The following TMCC3 variants were observed in gnomAD, a reference collection of about 807,000 sequenced individuals.
The protein encoded by TMCC3 is transmembrane and coiled-coil domain family 3.
TMCC3 carries 28 observed loss-of-function variants against 40.2 expected under a neutral mutation model. The observed-to-expected ratio is 0.70, with a 90% CI of 0.52 to 0.95. The LOEUF (loss-of-function observed/expected upper bound fraction) is 0.95. Among genes scored for constraint, TMCC3 ranks in the 40% least tolerant of loss-of-function variants. TMCC3 has a pLI of 0.00. For synonymous variants in TMCC3, 255 were observed against 248.5 expected (o/e 1.03, Z -0.25); for missense variants, 554 against 615.2 (o/e 0.90, Z 1.05).
intron 1 of TMCC3, chr12:94,598,845 T>A: frequency 1.1e-6 from 1 of 880,940 alleles, no homozygotes; most frequent in Non-Finnish European, 1.4e-6. Flanking sequence ...GCTGTGATTT[T>A]AAAGATAAAC....
At chr12:94,582,589 T>C in intron 1 of TMCC3, 51 bp from the exon 2 acceptor site, 2 of 1,478,010 alleles carry the variant, frequency 1.4e-6, no homozygotes, top group South Asian at 2.6e-5. Context: ...AAAGAGATAA[T>C]TACTGTGACA....
chr12:94,574,089 G>GA (rs2068548960), intron 3 of TMCC3, among the ~76,000 whole-genome samples: 1 of 152,166 alleles, frequency 6.6e-6, no homozygotes, highest in African/African-American at 2.4e-5. Context: ...GCCAGTAAGA[G>GA]AATGTGAGGC....
chr12:94,618,124 A>C (rs900470250), intron 1 of TMCC3, among the ~76,000 whole-genome samples: 5 of 152,362 alleles, frequency 3.3e-5, no homozygotes, highest in African/African-American at 4.8e-5. Context: ...TTTTAAAACC[A>C]GACTGACCAG....
Position 94,613,618 on chromosome 12 carries a change from C to T in TMCC3, c.79-31080G>A, listed in dbSNP as rs189746234. Among the ~76,000 whole-genome samples the T allele has an allele frequency of 2.0e-5, 3 of 152,096 alleles. No homozygotes were observed. In the East Asian group the frequency reaches 5.8e-4, roughly 29 times the overall value. ...GAGAAAAATCTTGAGAATAGTTAAA[C>T]CTTATGGCAGCGATGACCTCTTGGG... is the stretch of plus-strand genomic sequence containing the variant. On this transcript the variant is annotated intron_variant, in intron 1 of 3. Coordinates refer to ENST00000261226, the MANE Select transcript of TMCC3 (RefSeq NM_020698.4).
intron 1 of TMCC3, among the ~76,000 whole-genome samples, chr12:94,602,941 C>A (rs1404676565): frequency 1.3e-5 from 2 of 152,134 alleles, no homozygotes; most frequent in Non-Finnish European, 2.9e-5. Context: ...ACTCTAAGGG[C>A]CTTGCAGCTC....
chr12:94,600,320 T>C (rs905386362), intron 1 of TMCC3, among the ~76,000 whole-genome samples: 1 of 149,336 alleles, frequency 6.7e-6, no homozygotes, highest in Non-Finnish European at 1.5e-5. Flanking sequence ...CCATCTATCT[T>C]AATCCACATC....
chr12:94,579,378 G>A (rs1306495190), intron 2 of TMCC3, among the ~76,000 whole-genome samples: 6 of 152,204 alleles, frequency 3.9e-5, no homozygotes, highest in East Asian at 1.9e-4. Context: ...GTGGTGGCAC[G>A]TGCCTATAAT....
chr12:94,647,057 G>A (rs546077261), intron 1 of TMCC3, among the ~76,000 whole-genome samples: 3 of 152,056 alleles, frequency 2.0e-5, no homozygotes, highest in South Asian at 2.1e-4. Context: ...GAAAGCAGAC[G>A]GCCTGTATTC....
At chr12:94,621,769 C>T (rs901927074) in intron 1 of TMCC3, among the ~76,000 whole-genome samples, 4 of 152,314 alleles carry the variant, frequency 2.6e-5, no homozygotes, top group South Asian at 2.1e-4. Flanking sequence ...TAGACCAATA[C>T]TGCTTGTTAT....
At chr12:94,644,499 G>T in intron 1 of TMCC3, 1 of 934,700 alleles carries the variant, frequency 1.1e-6, no homozygotes, top group Non-Finnish European at 1.3e-6. Context: ...GGATGTGACA[G>T]GCGGGTGAGC....
At chr12:94,644,794 G>T (rs1276588599) in intron 1 of TMCC3, among the ~76,000 whole-genome samples, 1 of 152,170 alleles carries the variant, frequency 6.6e-6, no homozygotes, top group Non-Finnish European at 1.5e-5. Context: ...GTAAGCATGT[G>T]ATCATCAACT....
intron 1 of TMCC3, chr12:94,598,885 G>T: frequency 1.6e-6 from 1 of 613,892 alleles, no homozygotes; most frequent in Non-Finnish European, 2.0e-6. Flanking sequence ...TAGAACCTAA[G>T]TCTGTATTTG....
intron 1 of TMCC3, among the ~76,000 whole-genome samples, chr12:94,611,791 C>T (rs576129289): frequency 5.3e-5 from 8 of 152,018 alleles, no homozygotes; most frequent in African/African-American, 1.9e-4. Flanking sequence ...CACTCGGTAC[C>T]TGTTCAGTAC....
rs1566311174 is a variant in TMCC3, at chr12:94,571,424, A to C, written c.*11T>G. 1.2e-6 allele frequency: 2 copies of C among 1,607,006 alleles called. No homozygotes were observed. Among genetic ancestry groups the C allele is most frequent in the Admixed American group, 3.3e-5 (2 of 59,762 alleles). ...AAACTTGAAAGAACTTGAAGGCAGG[A>C]ACCAGTGGCTTCATCTTGGTATTAT... On this transcript the variant is annotated 3_prime_UTR_variant, in exon 4 of 4. Coordinates refer to ENST00000261226, the MANE Select transcript of TMCC3 (RefSeq NM_020698.4).
chr12:94,613,887 G>A (rs528522409), intron 1 of TMCC3: 1 of 152,148 alleles, frequency 6.6e-6, no homozygotes, highest in Non-Finnish European at 1.5e-5. Context: ...AAGGTCAGGA[G>A]ATCGAGACCA....
chr12:94,644,493 G>T (rs2069007699), intron 1 of TMCC3: 3 of 954,000 alleles, frequency 3.1e-6, no homozygotes, highest in Non-Finnish European at 3.7e-6. Context: ...TACAGCGGAT[G>T]TGACAGGCGG....
intron 1 of TMCC3, among the ~76,000 whole-genome samples, chr12:94,583,262 T>C (rs1486469814): frequency 6.6e-6 from 1 of 151,056 alleles, no homozygotes; most frequent in Non-Finnish European, 1.5e-5. Flanking sequence ...CCCAGCACTT[T>C]GGGAGGCCCA....
At chr12:94,635,751 C>T (rs71458555) in intron 1 of TMCC3, among the ~76,000 whole-genome samples, 1 of 147,410 alleles carries the variant, frequency 6.8e-6, no homozygotes, top group Non-Finnish European at 1.5e-5. Flanking sequence ...CTCACTGCAA[C>T]CTCCGCCTCC....
chr12:94,578,658 G>C (rs1313133778), intron 2 of TMCC3, 129 bp from the exon 3 acceptor site: 1 of 1,014,788 alleles, frequency 9.9e-7, no homozygotes, highest in African/African-American at 1.6e-5. Flanking sequence ...TTTTCTAAAA[G>C]AGTAAGGCTA....
Sources: gnomAD v4.1 joint callset for allele counts (sites outside exome capture counted in the v4.1 genomes callset) on GRCh38, gnomAD v4.1.1 for gene constraint, MANE v1.5 for transcripts, NCBI Gene and HGNC (gene_info 2026-07-23, HGNC 2026-07-21) for gene names.